EVA1A: variants seen among roughly 807,000 people sequenced by gnomAD.
EVA1A encodes the protein protein eva-1 homolog A.
EVA1A carries 7 observed loss-of-function variants against 9.8 expected under a neutral mutation model. The observed-to-expected ratio is 0.71, with a 90% confidence interval of 0.41 to 1.34. EVA1A has a LOEUF of 1.34. Ranked by LOEUF, EVA1A falls within the 40% of genes most tolerant of loss-of-function variation. The pLI, the probability that EVA1A is intolerant of heterozygous loss-of-function variation, is 0.01. For missense variants in EVA1A, 206 were observed against 205.9 expected, an observed-to-expected ratio of 1.00 and a Z score of 0.00; for synonymous variants, 90 against 85.6, an observed-to-expected ratio of 1.05 and a Z score of -0.28.
At chr2:75,531,372 C>T (rs1033509817) in intron 1 of EVA1A, among the ~76,000 whole-genome samples, 1 of 152,102 alleles carries the variant, frequency 6.6e-6, no homozygotes, top group African/African-American at 2.4e-5. Context: ...AGCAGATCTG[C>T]CATTTGATCC....
chr2:75,492,839 T>C lies in EVA1A; in HGVS notation c.*397A>G, dbSNP rs1572939412. 5 of 175,378 alleles carry C rather than the reference T, an allele frequency of 2.9e-5. No homozygotes were observed. The East Asian group carries it at 8.2e-4, about 29-fold the overall frequency. The allele number at this position is 175,378 out of a possible 1,614,324, so 10.9% of individuals were successfully genotyped here. A position where few individuals can be genotyped will look rare whatever the true frequency, so the allele number is the denominator to read the frequency against. On this transcript the variant is annotated 3_prime_UTR_variant, in exon 4 of 4. Coordinates refer to ENST00000393913, the MANE Select transcript of EVA1A (RefSeq NM_001135032.2). Reference sequence around the variant, plus strand: ...CATTTAGGAAATTGCATTTATTGGGTTAAGTTCACCCTGCTATTCCCAGCC... The same window carrying C: ...CATTTAGGAAATTGCATTTATTGGGCTAAGTTCACCCTGCTATTCCCAGCC...
At chr2:75,507,300 G>C (rs1674650401) in intron 3 of EVA1A, among the ~76,000 whole-genome samples, 1 of 152,160 alleles carries the variant, frequency 6.6e-6, no homozygotes, top group African/African-American at 2.4e-5. Flanking sequence ...CACTAGTCCT[G>C]GCCACTTCTT....
intron 3 of EVA1A, 41 bp from the exon 4 acceptor site, chr2:75,493,650 C>T (rs1250084951): frequency 6.6e-7 from 1 of 1,526,248 alleles, no homozygotes; most frequent in African/African-American, 1.4e-5. Flanking sequence ...TGAGAGATGA[C>T]AACTCCATAT....
chr2:75,538,097 C>T (rs1027723558), intron 1 of EVA1A, among the ~76,000 whole-genome samples: 17 of 152,128 alleles, frequency 1.1e-4, no homozygotes, highest in African/African-American at 3.4e-4. Flanking sequence ...CAAGACCAGC[C>T]TGACCAATAT....
chr2:75,530,030 G>A (rs904908021), intron 1 of EVA1A, among the ~76,000 whole-genome samples: 6 of 151,964 alleles, frequency 3.9e-5, no homozygotes, highest in African/African-American at 9.7e-5. Context: ...GAAGAGAGAC[G>A]ATCCAAATAA....
chr2:75,499,040 C>T (rs538331833), intron 3 of EVA1A, among the ~76,000 whole-genome samples: 1 of 152,312 alleles, frequency 6.6e-6, no homozygotes, highest in Non-Finnish European at 1.5e-5. Flanking sequence ...TAAAAACATG[C>T]TATCTGATGA....
chr2:75,553,164 A>G (rs1169005904), intron 1 of EVA1A, among the ~76,000 whole-genome samples: 1 of 152,020 alleles, frequency 6.6e-6, no homozygotes, highest in African/African-American at 2.4e-5. Flanking sequence ...CCTAGGCTCC[A>G]CTTCTCCTCT....
chr2:75,526,448 C>T (rs1458047200), intron 1 of EVA1A, among the ~76,000 whole-genome samples: 1 of 150,676 alleles, frequency 6.6e-6, no homozygotes, highest in Non-Finnish European at 1.5e-5. Context: ...CTAAGTGCTA[C>T]TTAATTTAAG....
At chr2:75,561,062 G>A (rs1171836395), upstream of EVA1A, 1 of 151,646 alleles carries the variant, frequency 6.6e-6, no homozygotes, top group Non-Finnish European at 1.5e-5. Context: ...GCGCCCGCAA[G>A]ACGCGAAACC....
chr2:75,546,743 T>C (rs1441560271), intron 1 of EVA1A, among the ~76,000 whole-genome samples: 1 of 152,128 alleles, frequency 6.6e-6, no homozygotes, highest in Non-Finnish European at 1.5e-5. Context: ...AATATGTCCT[T>C]ATTTGGAAAT....
chr2:75,555,336 T>TCTCTCCCTCTCTCTCTCCCC, intron 1 of EVA1A, among the ~76,000 whole-genome samples: 1 of 102,744 alleles, frequency 9.7e-6, no homozygotes, highest in Non-Finnish European at 2.2e-5. Flanking sequence ...TCTCTCTCTC[T>TCTCTCCCTCTCTCTCTCCCC]CCCCCATCTC....
upstream of EVA1A, among the ~76,000 whole-genome samples, chr2:75,563,426 G>A (rs1676962171): frequency 6.6e-6 from 1 of 152,138 alleles, no homozygotes; most frequent in South Asian, 2.1e-4. Context: ...ATGGGTTATG[G>A]CTGCACCTTG....
intron 1 of EVA1A, among the ~76,000 whole-genome samples, chr2:75,559,708 C>CGGGGGGGG (rs1328153509): frequency 5.6e-5 from 2 of 35,400 alleles, no homozygotes; most frequent in Non-Finnish European, 1.1e-4. Flanking sequence ...GGGGGGGGGG[C>CGGGGGGGG]GGGGGAGTTG....
At chr2:75,564,945 G>A (rs768238945), upstream of EVA1A, among the ~76,000 whole-genome samples, 10 of 152,174 alleles carry the variant, frequency 6.6e-5, no homozygotes, top group Non-Finnish European at 1.3e-4. Flanking sequence ...AAAACAAACT[G>A]AGTCACCAGC....
chr2:75,546,762 T>C (rs1376092900), intron 1 of EVA1A, among the ~76,000 whole-genome samples: 1 of 152,086 alleles, frequency 6.6e-6, no homozygotes, highest in African/African-American at 2.4e-5. Context: ...ATAGGGTCTT[T>C]ACAGATTTAA....
intron 1 of EVA1A, among the ~76,000 whole-genome samples, chr2:75,526,682 CG>C (rs1425851290): frequency 5.3e-5 from 8 of 152,268 alleles, no homozygotes; most frequent in African/African-American, 1.7e-4. Flanking sequence ...CTAAAGTACA[CG>C]ACACATCTTT....
chr2:75,511,502 AT>A (rs2103822852), intron 3 of EVA1A, among the ~76,000 whole-genome samples: 1 of 152,322 alleles, frequency 6.6e-6, no homozygotes, highest in African/African-American at 2.4e-5. Flanking sequence ...TCCATAATAT[AT>A]TATTCAGTGA....
intron 3 of EVA1A, among the ~76,000 whole-genome samples, chr2:75,509,097 C>A (rs1674721667): frequency 6.6e-6 from 1 of 151,956 alleles, no homozygotes; most frequent in Non-Finnish European, 1.5e-5. Context: ...ATCGAGGAAC[C>A]CAAATAATAC....
intron 2 of EVA1A, chr2:75,518,726 T>C: frequency 1.0e-6 from 1 of 986,978 alleles, no homozygotes; most frequent in African/African-American, 1.7e-5. Context: ...CATTCATCAC[T>C]GCGTTTTAAC....
Sources: allele counts gnomAD v4.1 joint callset (sites outside exome capture counted in the v4.1 genomes callset), GRCh38; gene constraint gnomAD v4.1.1; transcripts MANE v1.5; gene names NCBI Gene and HGNC (gene_info 2026-07-23, HGNC 2026-07-21).